Variants in FSD1L observed in about 807,000 individuals in gnomAD.
FSD1L encodes the protein FSD1-like protein.
A neutral mutation model predicts 71.6 loss-of-function variants in FSD1L; 45 were observed. The observed-to-expected ratio is 0.63, with a 90% CI of 0.49 to 0.81. The LOEUF (loss-of-function observed/expected upper bound fraction) is 0.81, where lower values mean the gene tolerates loss of function less well. Among genes scored for constraint, FSD1L ranks in the 30% least tolerant of loss-of-function variants. The pLI is 0.00. For synonymous variants in FSD1L, 197 were observed against 207.2 expected, an observed-to-expected ratio of 0.95 and a Z score of 0.42; for missense variants, 561 against 618.1, an observed-to-expected ratio of 0.91 and a Z score of 0.98.
At chr9:105,492,111 G>C (rs1018437538) in intron 7 of FSD1L, among the ~76,000 whole-genome samples, 59 of 152,230 alleles carry the variant, frequency 3.9e-4, no homozygotes, top group African/African-American at 1.4e-3. Context: ...GAATTCGGCT[G>C]TGAATCCATC....
chr9:105,446,026 A>C (rs539000508), upstream of FSD1L, among the ~76,000 whole-genome samples: 49 of 152,294 alleles, frequency 3.2e-4, no homozygotes, highest in African/African-American at 1.2e-3. Context: ...GTCCAGTTAA[A>C]AAAGGATGTA....
chr9:105,534,621 T>C (rs1229354738), intron 11 of FSD1L, 28 bp downstream of exon 11: 1 of 1,309,264 alleles, frequency 7.6e-7, no homozygotes, highest in Non-Finnish European at 1.1e-6. Flanking sequence ...TGTTTTTCAT[T>C]ATCTCAGATT....
At position 105,468,315 on chromosome 9, in the gene FSD1L, A is replaced by G. The variant is rs373156077; in HGVS notation, c.330A>G (p.Gln110=). 3.4e-6 allele frequency: 5 copies of G among 1,492,110 alleles called. No homozygotes were observed. Among genetic ancestry groups the G allele is most frequent in the South Asian group, 2.8e-5 (2 of 72,280 alleles). 92.4% of individuals were successfully genotyped at this position (1,492,110 alleles called of 1,614,324 possible). ...CIKQEQARKS[Q]ELQSQISQCN... The stretch of plus-strand genomic sequence containing the variant: ...AGCAGGAACAAGCTCGTAAATCCCA[A>G]GAGTTACAGGTGAGATCATACAGCT... Residue 110 remains glutamine, a synonymous_variant, in exon 4 of 14, where the codon CAA becomes CAG. Coordinates refer to ENST00000481272, the MANE Select transcript of FSD1L (RefSeq NM_001145313.3).
intron 13 of FSD1L, among the ~76,000 whole-genome samples, chr9:105,540,706 CTGTCTT>C (rs1836556139): frequency 6.6e-6 from 1 of 152,048 alleles, no homozygotes; most frequent in African/African-American, 2.4e-5. Context: ...TATTAGATGA[CTGTCTT>C]TGTGTGCTAT....
intron 1 of FSD1L, among the ~76,000 whole-genome samples, chr9:105,450,329 G>A (rs1000027140): frequency 6.6e-6 from 1 of 152,130 alleles, no homozygotes; most frequent in South Asian, 2.1e-4. Flanking sequence ...TGTGAGGAAG[G>A]CCTGAATATA....
chr9:105,524,103 G>A lies in FSD1L; in HGVS notation c.1026-10390G>A, dbSNP rs972845394. ...AACTGTATTAAGCTCGGCAAGAGAT[G>A]AGCCCTCTGGTCCTGCACGATGTGT... On this transcript the variant is annotated intron_variant, in intron 10 of 13. Transcript: ENST00000481272. 5.3e-5 allele frequency: 86 copies of A among 1,611,942 alleles called. No individual in the cohort carries two copies. In the African/African-American group the frequency reaches 1.0e-3, roughly 19 times the overall value.
intron 10 of FSD1L, chr9:105,523,261 C>G: frequency 6.2e-7 from 1 of 1,606,154 alleles, no homozygotes; most frequent in South Asian, 1.1e-5. Context: ...TCACAGACTC[C>G]TTCCCCTTCT....
intron 4 of FSD1L, among the ~76,000 whole-genome samples, chr9:105,470,708 G>A (rs939892445): frequency 2.6e-5 from 4 of 151,978 alleles, no homozygotes; most frequent in South Asian, 2.1e-4. Context: ...CTGTATCTTC[G>A]AAGTGTGTCC....
chr9:105,524,619 T>A, intron 10 of FSD1L: 1 of 1,613,926 alleles, frequency 6.2e-7, no homozygotes, highest in Non-Finnish European at 8.5e-7. Flanking sequence ...CCTCTCTGAT[T>A]TGGCATCTGT....
upstream of FSD1L, chr9:105,447,929 A>G: frequency 3.9e-6 from 2 of 518,590 alleles, no homozygotes; most frequent in East Asian, 7.3e-5. Flanking sequence ...CTAGCGGTAG[A>G]CAGACGGGCG....
chr9:105,472,060 G>A, intron 5 of FSD1L, 55 bp downstream of exon 5: 1 of 1,396,650 alleles, frequency 7.2e-7, no homozygotes, highest in Non-Finnish European at 9.4e-7. Flanking sequence ...TTTTAAAAAG[G>A]CGTTTTTGTT....
At chr9:105,485,116 T>C (rs1832450314) in intron 7 of FSD1L, among the ~76,000 whole-genome samples, 1 of 152,192 alleles carries the variant, frequency 6.6e-6, no homozygotes, top group Non-Finnish European at 1.5e-5. Context: ...TATTCACATA[T>C]GTAAAAGAGC....
rs1218849845 is a variant in FSD1L, at chr9:105,546,452, C to G, written c.1562C>G (p.Ala521Gly). Residue 521 changes from alanine (A) to glycine (G), a missense_variant, in exon 14 of 14, where the codon GCT becomes GGT. By Grantham distance (60) the Ala-to-Gly change is moderately conservative (BLOSUM62 0). This residue lies in a region of FSD1L where 98 missense variants were observed against 102.3 expected (regional missense o/e 0.96). Coordinates refer to ENST00000481272, the MANE Select transcript of FSD1L (RefSeq NM_001145313.3). Reference protein sequence around the residue: ...QKSENGMTGSASSLNNVVTQ With the variant: ...QKSENGMTGSGSSLNNVVTQ Reference sequence around the variant, plus strand: ...AGTGAAAATGGAATGACTGGTTCAGCTAGCAGCCTGAACAATGTTGTTACT... The same window carrying G: ...AGTGAAAATGGAATGACTGGTTCAGGTAGCAGCCTGAACAATGTTGTTACT... 5.2e-6 allele frequency: 8 copies of G among 1,549,690 alleles called. No homozygotes were observed. In the African/African-American group the frequency reaches 9.6e-5, roughly 19 times the overall value.
At chr9:105,489,417 A>C (rs1832770096) in intron 7 of FSD1L, among the ~76,000 whole-genome samples, 1 of 152,202 alleles carries the variant, frequency 6.6e-6, no homozygotes, top group Non-Finnish European at 1.5e-5. Flanking sequence ...AATGTTTGGA[A>C]GAGCTAAAAA....
In FSD1L at chr9:105,521,217, C is replaced by T. The variant is rs531085989; in HGVS notation, c.1025+8281C>T. The stretch of plus-strand genomic sequence containing the variant: ...GCTGGAGCCAAAACCACATACAGGA[C>T]CTCATATTCCTGGGATGGAAGGTGA... On this transcript the variant is annotated intron_variant, in intron 10 of 13. Coordinates refer to ENST00000481272, the MANE Select transcript of FSD1L (RefSeq NM_001145313.3). The T allele has an allele frequency of 1.1e-4, 176 of 1,614,186 alleles. 3 individuals are homozygous for T. In the South Asian group the frequency reaches 1.8e-3, roughly 17 times the overall value.
At chr9:105,466,797 C>T (rs1465600212) in intron 3 of FSD1L, among the ~76,000 whole-genome samples, 1 of 152,120 alleles carries the variant, frequency 6.6e-6, no homozygotes, top group Non-Finnish European at 1.5e-5. Flanking sequence ...CTATAAAGCT[C>T]TTGATCTGTG....
At chr9:105,488,819 G>GTT (rs58736638) in intron 7 of FSD1L, among the ~76,000 whole-genome samples, 203 of 133,646 alleles carry the variant, frequency 1.5e-3, no homozygotes, top group Non-Finnish European at 2.4e-3. Context: ...TTTACATTGG[G>GTT]TTTTTTTTTT....
At chr9:105,523,272 A>G in intron 10 of FSD1L, 1 of 1,603,126 alleles carries the variant, frequency 6.2e-7, no homozygotes, top group Non-Finnish European at 8.5e-7. Flanking sequence ...TTCCCCTTCT[A>G]CATTGAATAT....
At chr9:105,511,809 A>G (rs975196710) in intron 9 of FSD1L, among the ~76,000 whole-genome samples, 2 of 152,156 alleles carry the variant, frequency 1.3e-5, no homozygotes, top group Non-Finnish European at 2.9e-5. Flanking sequence ...AAACCTATAG[A>G]GAGTCATAGT....
Sources: allele counts gnomAD v4.1 joint callset (sites outside exome capture counted in the v4.1 genomes callset), GRCh38; gene constraint gnomAD v4.1.1; regional missense constraint gnomAD v4.1.1; transcripts MANE v1.5; gene names NCBI Gene and HGNC (gene_info 2026-07-23, HGNC 2026-07-21).